The following THSD7A variants were observed in gnomAD, a reference collection of about 807,000 sequenced individuals.
THSD7A encodes thrombospondin type-1 domain-containing protein 7A.
In THSD7A, 96 loss-of-function variants were observed where a neutral mutation model predicts 231.3. The observed-to-expected ratio is 0.41, with a 90% CI of 0.35 to 0.49. THSD7A has a LOEUF of 0.49. Ranked by LOEUF, THSD7A falls within the 20% of genes least tolerant of loss-of-function variation. The pLI is 0.05. For missense variants in THSD7A, 2,290 were observed against 2,070.2 expected, an observed-to-expected ratio of 1.11 and a Z score of -2.06; for synonymous variants, 940 against 743.3, an observed-to-expected ratio of 1.26 and a Z score of -4.30.
At chr7:11,388,810 A>G (rs541092213) in intron 23 of THSD7A, among the ~76,000 whole-genome samples, 43 of 152,118 alleles carry the variant, frequency 2.8e-4, no homozygotes, top group African/African-American at 7.2e-4. Context: ...AGTGCTATAA[A>G]CTTCCCTCTG....
chr7:11,386,503 T>G (rs1782749863), intron 23 of THSD7A, among the ~76,000 whole-genome samples: 1 of 152,164 alleles, frequency 6.6e-6, no homozygotes, highest in African/African-American at 2.4e-5. Context: ...GTTGGCTGCA[T>G]AATGTCTTCT....
At chr7:11,556,590 G>C (rs1178932442) in intron 4 of THSD7A, among the ~76,000 whole-genome samples, 1 of 151,616 alleles carries the variant, frequency 6.6e-6, no homozygotes, top group Non-Finnish European at 1.5e-5. Context: ...ATATTCCAAG[G>C]TTTCTTCCTT....
At chr7:11,653,127 G>A (rs960690012) in intron 1 of THSD7A, among the ~76,000 whole-genome samples, 9 of 151,788 alleles carry the variant, frequency 5.9e-5, no homozygotes, top group Admixed American at 5.9e-4. Context: ...CAACAACCCT[G>A]CCATACAGGT....
At chr7:11,829,080 G>C (rs888866112) in intron 1 of THSD7A, among the ~76,000 whole-genome samples, 2 of 151,762 alleles carry the variant, frequency 1.3e-5, no homozygotes, top group African/African-American at 4.8e-5. Context: ...TAACAATATA[G>C]TATATAATAC....
intron 13 of THSD7A, among the ~76,000 whole-genome samples, chr7:11,429,781 C>G (rs771855828): frequency 6.6e-6 from 1 of 152,116 alleles, no homozygotes; most frequent in Non-Finnish European, 1.5e-5. Context: ...GGTAAGAAAA[C>G]AAATGCAGAG....
chr7:11,434,401 A>T (rs534079056), intron 13 of THSD7A, among the ~76,000 whole-genome samples: 15 of 152,252 alleles, frequency 9.9e-5, no homozygotes, highest in South Asian at 6.2e-4. Context: ...TTAAAGTGGC[A>T]ACTGGAGGAC....
chr7:11,701,241 T>C (rs1032325515), intron 1 of THSD7A, among the ~76,000 whole-genome samples: 1 of 151,148 alleles, frequency 6.6e-6, no homozygotes, highest in Non-Finnish European at 1.5e-5. Flanking sequence ...CTATGCAGCA[T>C]ATAGTAAATC....
chr7:11,652,918 A>C (rs1337655979), intron 1 of THSD7A, among the ~76,000 whole-genome samples: 1 of 152,000 alleles, frequency 6.6e-6, no homozygotes, highest in African/African-American at 2.4e-5. Flanking sequence ...TAGGAAAAAT[A>C]ATCAGTAGGT....
At chr7:11,742,982 C>T (rs2128161440) in intron 1 of THSD7A, among the ~76,000 whole-genome samples, 1 of 151,944 alleles carries the variant, frequency 6.6e-6, no homozygotes, top group East Asian at 2.0e-4. Flanking sequence ...CCATCAAGAG[C>T]CCTGGCTCCT....
chr7:11,737,578 C>T (rs1172125616), intron 1 of THSD7A, among the ~76,000 whole-genome samples: 1 of 151,980 alleles, frequency 6.6e-6, no homozygotes, highest in Non-Finnish European at 1.5e-5. Context: ...TCAGGGAAAC[C>T]TGAAACAGTA....
intron 2 of THSD7A, among the ~76,000 whole-genome samples, chr7:11,630,844 G>A (rs567566050): frequency 2.0e-5 from 3 of 152,270 alleles, no homozygotes; most frequent in Admixed American, 6.5e-5. Context: ...CGCAGATTTG[G>A]TTCTTCATTT....
At chr7:11,783,654 A>C (rs1326758867) in intron 1 of THSD7A, among the ~76,000 whole-genome samples, 3 of 152,170 alleles carry the variant, frequency 2.0e-5, no homozygotes, top group African/African-American at 7.2e-5. Flanking sequence ...CACTCAGGTA[A>C]ATATAGATTT....
In THSD7A at chr7:11,427,401, C is replaced by T. The variant is rs753336067; in HGVS notation, c.3244-730G>A. ...ATGTCTCAGTAAGCCTTCAGTCAAC[C>T]GATACCAAGTCACAATACCCTTATC... On this transcript the variant is annotated intron_variant, in intron 14 of 27. Coordinates refer to ENST00000423059, the MANE Select transcript of THSD7A (RefSeq NM_015204.3). Among the ~76,000 whole-genome samples the T allele has an allele frequency of 1.0e-3, 153 of 152,012 alleles. 2 individuals are homozygous for T. Among genetic ancestry groups the T allele is most frequent in the Non-Finnish European group, 9.3e-4 (63 of 67,980 alleles).
rs182680479 is a variant in THSD7A at position 11,439,029 on chromosome 7, T to C, written c.3064+7032A>G. Among the ~76,000 whole-genome samples, 184 of 152,108 alleles carry C rather than the reference T, an allele frequency of 1.2e-3. 1 individual carries two copies. Among genetic ancestry groups the C allele is most frequent in the African/African-American group, 4.2e-3 (174 of 41,544 alleles). On this transcript the variant is annotated intron_variant, in intron 13 of 27. Coordinates refer to ENST00000423059, the MANE Select transcript of THSD7A (RefSeq NM_015204.3). ...CACAAAAAGTCTTAGAGTAAAATAATAAAAACTATTGAGCTGTAAAATGTG... is the reference window on the plus strand; with the variant it reads ...CACAAAAAGTCTTAGAGTAAAATAACAAAAACTATTGAGCTGTAAAATGTG...
rs1387964335 is a variant in THSD7A, at chr7:11,632,358, A to G, written c.1022+3772T>C. 6.6e-6 allele frequency among the ~76,000 whole-genome samples: 1 copy of G among 152,144 alleles called. No homozygotes were observed. Among genetic ancestry groups the G allele is most frequent in the Non-Finnish European group, 1.5e-5 (1 of 68,020 alleles). ...TTTAAGTTTTCCTTTTGCAAATGAG[A>G]TATTTTAATCTTTTTCCCCATTATA... On this transcript the variant is annotated intron_variant, in intron 2 of 27. Coordinates refer to ENST00000423059, the MANE Select transcript of THSD7A (RefSeq NM_015204.3). This position sits in a 1 kb window ranked among gnomAD's most constrained non-coding sequence, Gnocchi z 4.1.
At chr7:11,586,651 G>A (rs1241147906) in intron 4 of THSD7A, among the ~76,000 whole-genome samples, 2 of 152,080 alleles carry the variant, frequency 1.3e-5, no homozygotes, top group African/African-American at 4.8e-5. Flanking sequence ...TTTCTAAAGT[G>A]GGTTTATGTG....
chr7:11,709,313 A>G (rs955255419), intron 1 of THSD7A, among the ~76,000 whole-genome samples: 1 of 150,752 alleles, frequency 6.6e-6, no homozygotes, highest in African/African-American at 2.4e-5. Flanking sequence ...AAGCACATGA[A>G]TTTATACCAA....
chr7:11,456,630 A>AT (rs879482248), intron 11 of THSD7A, among the ~76,000 whole-genome samples: 37 of 151,902 alleles, frequency 2.4e-4, no homozygotes, highest in African/African-American at 7.0e-4. Flanking sequence ...AGGGTCAGCA[A>AT]TTTTTTTCTG....
chr7:11,406,796 T>G lies in THSD7A; in HGVS notation c.4062+114A>C. 12 of 1,299,078 alleles carry G rather than the reference T, an allele frequency of 9.2e-6. No individual in the cohort carries two copies. 80.5% of individuals were successfully genotyped at this position (1,299,078 alleles called of 1,614,324 possible). A position where few individuals can be genotyped will look rare whatever the true frequency, so the allele number is the denominator to read the frequency against. ...AAGTACATACAAATTTTAAGAAGCTTGTCATCTGTGAGCTCTGAAACATAT... is the reference window on the plus strand; with the variant it reads ...AAGTACATACAAATTTTAAGAAGCTGGTCATCTGTGAGCTCTGAAACATAT... On this transcript the variant is annotated intron_variant, in intron 21 of 27. Coordinates refer to ENST00000423059, the MANE Select transcript of THSD7A (RefSeq NM_015204.3). The surrounding 1 kb of genome is among the most constrained non-coding windows in gnomAD (Gnocchi z 4.7).
Sources: allele counts gnomAD v4.1 joint callset (sites outside exome capture counted in the v4.1 genomes callset), GRCh38; gene constraint gnomAD v4.1.1; non-coding constraint Gnocchi (gnomAD v3.1); transcripts MANE v1.5; gene names NCBI Gene and HGNC (gene_info 2026-07-23, HGNC 2026-07-21).